Variants in COL28A1 observed in about 807,000 individuals in gnomAD.
COL28A1 encodes collagen alpha-1(XXVIII) chain.
A neutral mutation model predicts 150.2 loss-of-function variants in COL28A1; 161 were observed. The ratio of observed to expected loss-of-function variants is 1.07; its 90% CI spans 0.94 to 1.22. The LOEUF is 1.22. Among genes scored for constraint, COL28A1 ranks in the 50% most tolerant of loss-of-function variants. COL28A1 has a pLI of 0.00. For missense variants in COL28A1, 1,617 were observed against 1,388.3 expected (o/e 1.16, Z -2.62); for synonymous variants, 552 against 469.7 (o/e 1.18, Z -2.26).
At chr7:7,395,617 T>C (rs2128296260) in intron 27 of COL28A1, among the ~76,000 whole-genome samples, 1 of 152,306 alleles carries the variant, frequency 6.6e-6, no homozygotes, top group Non-Finnish European at 1.5e-5. Context: ...CCATCAGTTA[T>C]AGTCAATTGG....
At chr7:7,421,643 A>G (rs1425651080) in intron 25 of COL28A1, among the ~76,000 whole-genome samples, 2 of 152,170 alleles carry the variant, frequency 1.3e-5, no homozygotes, top group Non-Finnish European at 2.9e-5. Flanking sequence ...ATTCAGAAAA[A>G]CAGTCCATCT....
chr7:7,377,896 A>G (rs748847553), intron 30 of COL28A1, among the ~76,000 whole-genome samples: 17 of 151,898 alleles, frequency 1.1e-4, no homozygotes, highest in Non-Finnish European at 1.2e-4. Context: ...CAGAAGAAGA[A>G]TGAGGGGCTT....
chr7:7,523,016 A>G (rs548948292), intron 4 of COL28A1, among the ~76,000 whole-genome samples: 85 of 152,164 alleles, frequency 5.6e-4, no homozygotes, highest in African/African-American at 2.0e-3. Context: ...ATTCCCTTAT[A>G]TGTATATATG....
intron 8 of COL28A1, chr7:7,511,992 G>C (rs546224838): frequency 7.1e-5 from 23 of 325,010 alleles, no homozygotes; most frequent in South Asian, 5.5e-4. Context: ...AGAAGGTTAA[G>C]TAAAGAGAAT....
At chr7:7,392,880 C>A (rs959185362) in intron 27 of COL28A1, among the ~76,000 whole-genome samples, 1 of 152,100 alleles carries the variant, frequency 6.6e-6, no homozygotes, top group Non-Finnish European at 1.5e-5. Context: ...TTCCTCTAAC[C>A]TTTTTTCAAG....
chr7:7,346,996 A>C, the COL28A1 span, among the ~76,000 whole-genome samples: 1 of 152,104 alleles, frequency 6.6e-6, no homozygotes, highest in East Asian at 1.9e-4. Context: ...TTCTTTATCA[A>C]ACCAGATAAA....
At chr7:7,451,573 T>C (rs1188137101) in intron 18 of COL28A1, among the ~76,000 whole-genome samples, 1 of 151,992 alleles carries the variant, frequency 6.6e-6, no homozygotes, top group Non-Finnish European at 1.5e-5. Flanking sequence ...TCATAAGTAG[T>C]GAAACTGAGA....
intron 15 of COL28A1, among the ~76,000 whole-genome samples, chr7:7,473,334 A>G (rs1788586315): frequency 6.6e-6 from 1 of 152,052 alleles, no homozygotes. Flanking sequence ...AACTCAAACA[A>G]ATTATCAAGA....
rs1055489472 is a variant in COL28A1, at chr7:7,373,991, G to T, written c.2360-445C>A. On this transcript the variant is annotated intron_variant, in intron 31 of 34. Coordinates refer to ENST00000399429, the MANE Select transcript of COL28A1 (RefSeq NM_001037763.3). The surrounding 1 kb of genome is among the most constrained non-coding windows in gnomAD (Gnocchi z 4.1). The stretch of plus-strand genomic sequence containing the variant: ...TGGGATTACAGGCGTGAGCCACCGC[G>T]CCCGGCCCCTTCTGGTTTCTATACT... 7.1e-6 allele frequency among the ~76,000 whole-genome samples: 1 copy of T among 140,234 alleles called. No homozygotes were observed. Among genetic ancestry groups the T allele is most frequent in the African/African-American group, 2.8e-5 (1 of 35,950 alleles). The allele number at this position is 140,234 out of a possible 152,430, so 92.0% of individuals were successfully genotyped here.
downstream of COL28A1, chr7:7,357,833 G>C (rs947919999): frequency 1.6e-4 from 24 of 152,090 alleles, no homozygotes; most frequent in African/African-American, 5.8e-4. Flanking sequence ...TGTGAATCCT[G>C]TCTTTAATAC....
intron 33 of COL28A1, among the ~76,000 whole-genome samples, chr7:7,365,117 C>T (rs756200526): frequency 7.4e-6 from 1 of 135,920 alleles, no homozygotes; most frequent in Non-Finnish European, 1.7e-5. Flanking sequence ...TAGTGATTGC[C>T]TCTGGAGAGA....
At chr7:7,517,237 T>C (rs929245334) in intron 7 of COL28A1, among the ~76,000 whole-genome samples, 1 of 152,050 alleles carries the variant, frequency 6.6e-6, no homozygotes, top group Non-Finnish European at 1.5e-5. Context: ...AGAGGGGCAA[T>C]GTCATATGGT....
At chr7:7,415,474 C>A (rs767118529) in intron 27 of COL28A1, among the ~76,000 whole-genome samples, 2 of 152,208 alleles carry the variant, frequency 1.3e-5, no homozygotes, top group Non-Finnish European at 2.9e-5. Flanking sequence ...AGGGACGAAC[C>A]TCTGCCCTGC....
chr7:7,515,487 A>G (rs1781367198), intron 8 of COL28A1, among the ~76,000 whole-genome samples: 1 of 152,222 alleles, frequency 6.6e-6, no homozygotes, highest in Non-Finnish European at 1.5e-5. Context: ...ACCTATTTGC[A>G]GTATTGCTGA....
intron 27 of COL28A1, among the ~76,000 whole-genome samples, chr7:7,411,864 G>A (rs1783807163): frequency 6.6e-6 from 1 of 152,210 alleles, no homozygotes; most frequent in African/African-American, 2.4e-5. Flanking sequence ...AAGCCCAGGT[G>A]TCTGTGCCCA....
At chr7:7,471,695 G>T (rs918154755) in intron 15 of COL28A1, among the ~76,000 whole-genome samples, 3 of 152,168 alleles carry the variant, frequency 2.0e-5, no homozygotes, top group Admixed American at 6.5e-5. Context: ...AGAAGTTTGA[G>T]ACCAGCCTGG....
Position 7,485,535 on chromosome 7 carries a change from C to A in COL28A1, c.1164+3854G>T, listed in dbSNP as rs370464722. Among the ~76,000 whole-genome samples, 24 of 152,162 alleles carry A rather than the reference C, an allele frequency of 1.6e-4. No individual in the cohort carries two copies. The East Asian group carries it at 1.9e-3, about 12-fold the overall frequency. On this transcript the variant is annotated intron_variant, in intron 13 of 34. Transcript: ENST00000399429. ...GGTGACATGTCTAAGAAATCTTCAT[C>A]AAGCCCACGATCCTAAAGATTTTCT...
chr7:7,485,168 AC>A (rs1479848343), intron 13 of COL28A1, among the ~76,000 whole-genome samples: 4 of 152,194 alleles, frequency 2.6e-5, no homozygotes, highest in African/African-American at 9.7e-5. Context: ...TTTAGTAACC[AC>A]AAAAAAAGAA....
At chr7:7,461,113 G>A (rs960144817) in intron 15 of COL28A1, among the ~76,000 whole-genome samples, 1 of 152,226 alleles carries the variant, frequency 6.6e-6, no homozygotes, top group African/African-American at 2.4e-5. Flanking sequence ...GGGAAAGGGA[G>A]ATTGTCCGCC....
Sources: gnomAD v4.1 joint callset for allele counts (sites outside exome capture counted in the v4.1 genomes callset) on GRCh38, gnomAD v4.1.1 for gene constraint, Gnocchi (gnomAD v3.1) non-coding constraint, MANE v1.5 for transcripts, NCBI Gene and HGNC (gene_info 2026-07-23, HGNC 2026-07-21) for gene names.